KCNS3: variants seen among roughly 807,000 people sequenced by gnomAD.
The protein encoded by KCNS3 is delayed-rectifier potassium channel regulatory subunit KCNS3.
Under a neutral mutation model 31.0 loss-of-function variants are expected in KCNS3, and 13 were observed. The observed-to-expected ratio is 0.42, with a 90% CI of 0.27 to 0.67. KCNS3 has a LOEUF of 0.67. Among genes scored for constraint, KCNS3 ranks in the 30% least tolerant of loss-of-function variants. The pLI is 0.25. For synonymous variants in KCNS3, 238 were observed against 241.5 expected (o/e 0.99, Z 0.13); for missense variants, 545 against 622.4 (o/e 0.88, Z 1.32).
At chr2:17,928,043 ACTC>A (rs1169609732) in intron 2 of KCNS3, among the ~76,000 whole-genome samples, 3 of 152,172 alleles carry the variant, frequency 2.0e-5, no homozygotes, top group Non-Finnish European at 2.9e-5. Context: ...GCCATTGGTC[ACTC>A]ATATTTGGCT....
intron 1 of KCNS3, among the ~76,000 whole-genome samples, chr2:17,906,439 G>GT (rs1374255703): frequency 3.9e-5 from 6 of 152,044 alleles, no homozygotes; most frequent in South Asian, 2.1e-4. Flanking sequence ...TTTTTGAAGG[G>GT]TTTTTTGTGT....
In KCNS3 at chr2:17,932,246, A is replaced by T; in HGVS notation, c.1238A>T (p.Tyr413Phe). 1 of 1,614,004 alleles carries T rather than the reference A, an allele frequency of 6.2e-7. No individual in the cohort carries two copies. The highest frequency in any genetic ancestry group is 8.5e-7 in the Non-Finnish European group (1 of 1,179,894). Residue 413 changes from tyrosine to phenylalanine, a missense_variant, in exon 3 of 3, where the codon TAC (tyrosine) becomes TTC (phenylalanine). By Grantham distance (22) the Tyr-to-Phe change is conservative. Coordinates refer to ENST00000304101, the MANE Select transcript of KCNS3 (RefSeq NM_002252.5). ...TIIFNKFSKY[Y>F]QKQKDIDVDQ... is the part of the protein sequence containing the mutation. The stretch of plus-strand genomic sequence containing the variant: ...ATCTTCAACAAGTTTTCCAAGTACT[A>T]CCAGAAGCAAAAGGACATTGATGTG...
chr2:17,883,395 T>TTGGGG (rs907434410), intron 1 of KCNS3, among the ~76,000 whole-genome samples: 1 of 57,442 alleles, frequency 1.7e-5, no homozygotes, highest in Non-Finnish European at 3.3e-5. Flanking sequence ...CGGTGGGGGG[T>TTGGGG]TGGGGTGGGG....
chr2:17,894,466 A>G (rs557321434), intron 1 of KCNS3, among the ~76,000 whole-genome samples: 3 of 152,350 alleles, frequency 2.0e-5, no homozygotes, highest in African/African-American at 4.8e-5. Context: ...GTAACAGACA[A>G]TAACAGTCCT....
intron 1 of KCNS3, among the ~76,000 whole-genome samples, chr2:17,890,468 G>T (rs1019672186): frequency 6.6e-6 from 1 of 151,564 alleles, no homozygotes; most frequent in Non-Finnish European, 1.5e-5. Context: ...TTCTGCGGGG[G>T]TTGGGTTTGG....
intron 2 of KCNS3, among the ~76,000 whole-genome samples, chr2:17,924,578 G>C (rs1662793687): frequency 6.6e-6 from 1 of 152,170 alleles, no homozygotes; most frequent in Non-Finnish European, 1.5e-5. Flanking sequence ...AAGAGTGCTA[G>C]ATTTTTCAAA....
At chr2:17,925,459 G>C (rs770293794) in intron 2 of KCNS3, among the ~76,000 whole-genome samples, 1 of 152,040 alleles carries the variant, frequency 6.6e-6, no homozygotes, top group Non-Finnish European at 1.5e-5. Context: ...CTGTTTTCAC[G>C]CTGCTATAAA....
Position 17,931,527 on chromosome 2 carries a change from T to G in KCNS3, c.519T>G (p.Ile173Met). The G allele has an allele frequency of 6.2e-7, 1 of 1,614,150 alleles. No homozygotes were observed. The highest frequency in any genetic ancestry group is 8.5e-7 in the Non-Finnish European group (1 of 1,180,014). ...RFGQLRKKIW[I>M]RMENPAYCLS... ...GTCAGCTCCGGAAGAAAATCTGGAT[T>G]AGAATGGAGAATCCAGCGTACTGCC... The change falls in exon 3 of 3, where the codon ATT (isoleucine) becomes ATG (methionine). Residue 173 changes from isoleucine to methionine, a missense_variant. By Grantham distance (10) the Ile-to-Met change is conservative. Coordinates refer to ENST00000304101, the MANE Select transcript of KCNS3 (RefSeq NM_002252.5). This position sits in a 1 kb window ranked among gnomAD's most constrained non-coding sequence, Gnocchi z 5.4.
intron 1 of KCNS3, among the ~76,000 whole-genome samples, chr2:17,914,282 C>CTCATAGCAAGGTGTGTGGGAACCCAGA (rs1662540864): frequency 1.3e-5 from 2 of 152,210 alleles, no homozygotes; most frequent in Admixed American, 1.3e-4. Flanking sequence ...TCGTTTGCTC[C>CTCATAGCAAGGTGTGTGGGAACCCAGA]TCATAGCAAG....
chr2:17,886,313 T>G (rs1359757992), intron 1 of KCNS3, among the ~76,000 whole-genome samples: 1 of 152,226 alleles, frequency 6.6e-6, no homozygotes, highest in Admixed American at 6.5e-5. Flanking sequence ...GATAAAAATG[T>G]AACTGGCCAA....
Position 17,932,331 on chromosome 2 carries a change from G to A in KCNS3, c.1323G>A (p.Arg441=). ...ATGAGCTACCTTACTTTAACATTAG[G>A]GATATATATGCACAGCGGATGCACA... is the stretch of plus-strand genomic sequence containing the variant. ...KCHELPYFNI[R]DIYAQRMHTF... The change falls in exon 3 of 3, where the codon AGG becomes AGA. Residue 441 remains arginine (R), a synonymous_variant. Transcript: ENST00000304101. 6.2e-7 allele frequency: 1 copy of A among 1,613,998 alleles called. No homozygotes were observed. Among genetic ancestry groups the A allele is most frequent in the African/African-American group, 1.3e-5 (1 of 74,980 alleles).
At chr2:17,878,851 C>A (rs918783608) in intron 1 of KCNS3, 45 bp downstream of exon 1, 1 of 152,656 alleles carries the variant, frequency 6.6e-6, no homozygotes, top group African/African-American at 2.4e-5. Context: ...CCGGAGACTT[C>A]TCCGGGCGAC....
chr2:17,904,287 C>T (rs1662260656), intron 1 of KCNS3, among the ~76,000 whole-genome samples: 1 of 149,630 alleles, frequency 6.7e-6, no homozygotes, highest in African/African-American at 2.5e-5. Context: ...ATATCCTTCG[C>T]CCACTTGTTG....
intron 1 of KCNS3, among the ~76,000 whole-genome samples, chr2:17,899,387 A>G (rs138226936): frequency 1.5e-3 from 232 of 151,880 alleles, no homozygotes; most frequent in African/African-American, 5.3e-3. Flanking sequence ...ATCTTATTAT[A>G]TTATTATTAT....
intron 1 of KCNS3, among the ~76,000 whole-genome samples, chr2:17,911,367 G>C (rs931527125): frequency 6.6e-6 from 1 of 152,322 alleles, no homozygotes; most frequent in South Asian, 2.1e-4. Flanking sequence ...GGAGGGCTTT[G>C]GCTGGGGGCT....
rs372262037 is a variant in KCNS3, at chr2:17,931,176, G to T, written c.168G>T (p.Leu56=). 51 of 1,614,018 alleles carry T rather than the reference G, an allele frequency of 3.2e-5. No individual in the cohort carries two copies. Among genetic ancestry groups the T allele is most frequent in the African/African-American group, 5.3e-5 (4 of 74,912 alleles). Residue 56 remains leucine (L), a synonymous_variant, in exon 3 of 3, where the codon CTG becomes CTT. Coordinates refer to ENST00000304101, the MANE Select transcript of KCNS3 (RefSeq NM_002252.5). The surrounding 1 kb of genome is among the most constrained non-coding windows in gnomAD (Gnocchi z 5.4). ...ATTCTGAAGAGGCCATTCTGGAGCTGTGTGATGATTACAGTGTGGCCGATA... is the reference window on the plus strand; with the variant it reads ...ATTCTGAAGAGGCCATTCTGGAGCTTTGTGATGATTACAGTGTGGCCGATA... The part of the protein sequence containing the change: ...TCHSEEAILE[L]CDDYSVADKE...
At chr2:17,923,311 T>C (rs1662764290) in intron 2 of KCNS3, among the ~76,000 whole-genome samples, 1 of 152,156 alleles carries the variant, frequency 6.6e-6, no homozygotes, top group Non-Finnish European at 1.5e-5. Flanking sequence ...TAAAGGAGTT[T>C]ATTTGTCTTT....
upstream of KCNS3, chr2:17,878,064 A>G (rs1674547344): frequency 6.6e-6 from 1 of 152,236 alleles, no homozygotes; most frequent in African/African-American, 2.4e-5. Flanking sequence ...GAGGAATAAG[A>G]CAAAGCATCT....
intron 1 of KCNS3, among the ~76,000 whole-genome samples, chr2:17,915,814 A>G (rs2125247933): frequency 6.6e-6 from 1 of 152,302 alleles, no homozygotes; most frequent in Admixed American, 6.5e-5. Context: ...ATTGTCTGGT[A>G]TTACATCTTG....
Sources: gnomAD v4.1 joint callset for allele counts (sites outside exome capture counted in the v4.1 genomes callset) on GRCh38, gnomAD v4.1.1 for gene constraint, Gnocchi (gnomAD v3.1) non-coding constraint, MANE v1.5 for transcripts, NCBI Gene and HGNC (gene_info 2026-07-23, HGNC 2026-07-21) for gene names.